The following PRCP variants were observed in gnomAD, a reference collection of about 807,000 sequenced individuals.
PRCP encodes the protein lysosomal Pro-X carboxypeptidase.
A neutral mutation model predicts 54.2 loss-of-function variants in PRCP; 46 were observed. That is an observed-to-expected ratio of 0.85 (90% CI 0.67 to 1.09). The LOEUF is 1.09. PRCP is among the 50% of genes least tolerant of loss of function. The probability of loss-of-function intolerance (pLI) is 0.00; values close to 1 mark genes in which losing one functional copy is unlikely to be tolerated. For missense variants in PRCP, 613 were observed against 596.8 expected (o/e 1.03, Z -0.28); for synonymous variants, 240 against 212.2 (o/e 1.13, Z -1.14).
At chr11:82,853,865 A>T (rs941311296) in intron 2 of PRCP, among the ~76,000 whole-genome samples, 2 of 152,212 alleles carry the variant, frequency 1.3e-5, no homozygotes, top group African/African-American at 2.4e-5. Context: ...CAAATCAATA[A>T]ACAGAATTCA....
At chr11:82,866,791 G>A (rs989499723) in intron 1 of PRCP, among the ~76,000 whole-genome samples, 5 of 151,502 alleles carry the variant, frequency 3.3e-5, no homozygotes, top group Admixed American at 6.6e-5. Flanking sequence ...GCGTGATCTC[G>A]GCTCACTGCA....
chr11:82,892,469 A>G (rs1231280904), intron 1 of PRCP, among the ~76,000 whole-genome samples: 1 of 152,214 alleles, frequency 6.6e-6, no homozygotes, highest in South Asian at 2.1e-4. Context: ...ATTGTTAAAT[A>G]GATAATAAAA....
intron 1 of PRCP, among the ~76,000 whole-genome samples, chr11:82,871,829 A>T (rs961609923): frequency 1.3e-5 from 2 of 152,216 alleles, no homozygotes; most frequent in Non-Finnish European, 2.9e-5. Flanking sequence ...ATTAATTAAC[A>T]TTCCCTCTTA....
In PRCP at chr11:82,825,042, T is replaced by C. The variant is rs893698466; in HGVS notation, c.1355A>G (p.Glu452Gly). ...TDTLVAVTIS[E>G]GAHHLDLRTK... The stretch of plus-strand genomic sequence containing the variant: ...GCGGAGATCTAAGTGGTGGGCCCCC[T>C]CTGAGATGGTGACTGCAACCAGAGT... Residue 452 changes from glutamate (E) to glycine (G), a missense_variant, in exon 9 of 9, where the codon GAG (glutamate) becomes GGG (glycine). By Grantham distance (98) the Glu-to-Gly change is moderately conservative. Coordinates refer to ENST00000313010, the MANE Select transcript of PRCP (RefSeq NM_005040.4). 6.2e-7 allele frequency: 1 copy of C among 1,613,980 alleles called. No homozygotes were observed. Among genetic ancestry groups the C allele is most frequent in the African/African-American group, 1.3e-5 (1 of 74,900 alleles).
At chr11:82,843,698 A>G (rs1444832161) in intron 6 of PRCP, among the ~76,000 whole-genome samples, 1 of 152,192 alleles carries the variant, frequency 6.6e-6, no homozygotes, top group Non-Finnish European at 1.5e-5. Context: ...TCATTCCTAC[A>G]CATACTGTAA....
chr11:82,900,882 A>G (rs939413492), upstream of PRCP: 1 of 457,262 alleles, frequency 2.2e-6, no homozygotes, highest in African/African-American at 2.0e-5. Context: ...AGCTACCATG[A>G]CAATTTATTG....
chr11:82,833,476 C>T (rs1263117223), intron 8 of PRCP, among the ~76,000 whole-genome samples: 1 of 152,014 alleles, frequency 6.6e-6, no homozygotes, highest in Admixed American at 6.5e-5. Context: ...GAAATAGGAA[C>T]ATTTTTACAC....
chr11:82,895,517 C>T (rs972792848), intron 1 of PRCP, among the ~76,000 whole-genome samples: 3 of 152,044 alleles, frequency 2.0e-5, no homozygotes, highest in Admixed American at 1.3e-4. Flanking sequence ...AAGTTTCTGA[C>T]CCTCTATAAT....
chr11:82,854,254 C>A (rs1392538851), intron 2 of PRCP, among the ~76,000 whole-genome samples: 1 of 152,138 alleles, frequency 6.6e-6, no homozygotes, highest in East Asian at 1.9e-4. Context: ...ACCTAGAAAC[C>A]CCACAGACTC....
intron 8 of PRCP, chr11:82,835,959 G>A (rs548427320): frequency 6.8e-5 from 20 of 295,090 alleles, no homozygotes; most frequent in Non-Finnish European, 1.2e-4. Context: ...TTGGGAGGCC[G>A]AGTCAGGTGG....
At chr11:82,898,219 C>A (rs1439522152) in intron 1 of PRCP, among the ~76,000 whole-genome samples, 1 of 152,016 alleles carries the variant, frequency 6.6e-6, no homozygotes, top group African/African-American at 2.4e-5. Context: ...GAATCTGTAT[C>A]CTAAAATATA....
chr11:82,869,938 T>C (rs1027787103), intron 1 of PRCP, among the ~76,000 whole-genome samples: 1 of 152,210 alleles, frequency 6.6e-6, no homozygotes, highest in African/African-American at 2.4e-5. Context: ...AAGCAGGAAA[T>C]GCATGCCTTC....
Position 82,850,114 on chromosome 11 carries a change from A to AAAT in PRCP, c.594-44_594-43insATT, listed in dbSNP as rs1555014890. 17 of 816,490 alleles carry AAAT rather than the reference A, an allele frequency of 2.1e-5. No homozygotes were observed. In the African/African-American group the frequency reaches 2.5e-4, roughly 12 times the overall value. 50.6% of individuals were successfully genotyped at this position (816,490 alleles called of 1,614,324 possible). A position where few individuals can be genotyped will look rare whatever the true frequency, so the allele number is the denominator to read the frequency against. ...CAAAGAAAGAAAAAAGAAAAGAAAAAATATATATATATATTATATATATGT... is the reference window on the plus strand; with the variant it reads ...CAAAGAAAGAAAAAAGAAAAGAAAAAAATATATATATATATATTATATATATGT... On this transcript the variant is annotated intron_variant, in intron 4 of 8. Coordinates refer to ENST00000313010, the MANE Select transcript of PRCP (RefSeq NM_005040.4).
intron 8 of PRCP, chr11:82,828,388 C>G (rs1565215206): frequency 1.3e-5 from 2 of 152,156 alleles, no homozygotes; most frequent in African/African-American, 4.8e-5. Context: ...TCTCATCTAC[C>G]TAATCTCATT....
At chr11:82,892,147 A>G (rs1729113836) in intron 1 of PRCP, among the ~76,000 whole-genome samples, 1 of 152,258 alleles carries the variant, frequency 6.6e-6, no homozygotes, top group Admixed American at 6.5e-5. Flanking sequence ...CTTAGATTAC[A>G]GAGACATCAT....
chr11:82,882,073 G>A (rs1397840189), intron 1 of PRCP, among the ~76,000 whole-genome samples: 1 of 152,052 alleles, frequency 6.6e-6, no homozygotes, highest in Non-Finnish European at 1.5e-5. Context: ...AAGTGAAAGT[G>A]GATCATCACA....
At chr11:82,889,832 G>A (rs183843430) in intron 1 of PRCP, among the ~76,000 whole-genome samples, 21 of 152,284 alleles carry the variant, frequency 1.4e-4, no homozygotes, top group African/African-American at 3.1e-4. Flanking sequence ...ACAATAAAGA[G>A]TCGCAGTTTC....
chr11:82,891,026 T>C (rs182238929), intron 1 of PRCP, among the ~76,000 whole-genome samples: 1 of 152,364 alleles, frequency 6.6e-6, no homozygotes, highest in African/African-American at 2.4e-5. Flanking sequence ...TGGTTTTACA[T>C]ACCATCTGTA....
At chr11:82,842,730 C>A (rs141326457) in intron 6 of PRCP, among the ~76,000 whole-genome samples, 146 of 152,188 alleles carry the variant, frequency 9.6e-4, no homozygotes, top group African/African-American at 3.4e-3. Flanking sequence ...ATTTTTAATT[C>A]TACTACTATG....
Sources: gnomAD v4.1 joint callset for allele counts (sites outside exome capture counted in the v4.1 genomes callset) on GRCh38, gnomAD v4.1.1 for gene constraint, MANE v1.5 for transcripts, NCBI Gene and HGNC (gene_info 2026-07-23, HGNC 2026-07-21) for gene names.